MAST4: variants seen among roughly 807,000 people sequenced by gnomAD.
MAST4 encodes microtubule-associated serine/threonine-protein kinase 4.
A neutral mutation model predicts 162.7 loss-of-function variants in MAST4; 89 were observed. The ratio of observed to expected loss-of-function variants is 0.55; its 90% confidence interval spans 0.46 to 0.65. The LOEUF is 0.65. Among genes scored for constraint, MAST4 ranks in the 30% least tolerant of loss-of-function variants. The pLI is 0.00. For synonymous variants in MAST4, 1,479 were observed against 1,361.1 expected (o/e 1.09, Z -1.91); for missense variants, 3,153 against 3,374.0 (o/e 0.93, Z 1.62).
chr5:67,078,886 T>TTTATATAAA (rs1561621642), intron 5 of MAST4, among the ~76,000 whole-genome samples: 10 of 76,426 alleles, frequency 1.3e-4, no homozygotes, highest in African/African-American at 5.2e-4. Context: ...ATAAATATAT[T>TTTATATAAA]TATATATTTA....
chr5:67,126,061 C>G (rs923059132), intron 14 of MAST4, among the ~76,000 whole-genome samples: 1 of 152,106 alleles, frequency 6.6e-6, no homozygotes, highest in Non-Finnish European at 1.5e-5. Flanking sequence ...AGTGTCTGTT[C>G]ATATCCTTCT....
At position 66,678,191 on chromosome 5, in the gene MAST4, T is replaced by A. The variant is rs141133917; in HGVS notation, c.363+81173T>A. Among the ~76,000 whole-genome samples, 740 of 151,638 alleles carry A rather than the reference T, an allele frequency of 4.9e-3. 2 individuals are homozygous for A. Among genetic ancestry groups the A allele is most frequent in the Admixed American group, 8.0e-3 (122 of 15,230 alleles). On this transcript the variant is annotated intron_variant, in intron 1 of 28. Coordinates refer to ENST00000403625, the MANE Select transcript of MAST4 (RefSeq NM_001164664.2). ...CATACTGCATGATTTCCCTTACTCG[T>A]GGAATCTAAAAAAGTTGAACTCACA...
chr5:66,772,755 C>T (rs1012085354), intron 2 of MAST4, among the ~76,000 whole-genome samples: 3 of 152,210 alleles, frequency 2.0e-5, no homozygotes, highest in East Asian at 1.9e-4. Context: ...CCCAAGTCAA[C>T]TTCTAAGTAG....
At chr5:66,691,958 A>G (rs148766621) in intron 1 of MAST4, among the ~76,000 whole-genome samples, 103 of 152,202 alleles carry the variant, frequency 6.8e-4, no homozygotes, top group Non-Finnish European at 1.2e-3. Flanking sequence ...TTTTATTTTG[A>G]TTCTCCCCAG....
chr5:66,720,452 A>T (rs1410646264), intron 1 of MAST4, among the ~76,000 whole-genome samples: 2 of 152,216 alleles, frequency 1.3e-5, no homozygotes, highest in Non-Finnish European at 2.9e-5. Flanking sequence ...TTGATAATTT[A>T]TATTTTCTTA....
chr5:67,030,924 C>T (rs1755235909), intron 4 of MAST4, among the ~76,000 whole-genome samples: 1 of 152,062 alleles, frequency 6.6e-6, no homozygotes, highest in African/African-American at 2.4e-5. Flanking sequence ...AAATTTTTTT[C>T]CTGTAGCTTT....
chr5:66,694,118 T>C (rs1162009726), intron 1 of MAST4, among the ~76,000 whole-genome samples: 1 of 152,188 alleles, frequency 6.6e-6, no homozygotes, highest in East Asian at 1.9e-4. Flanking sequence ...ATCAGAATCG[T>C]CAGGGAGCGC....
chr5:66,938,899 T>C (rs1310844233), intron 4 of MAST4, among the ~76,000 whole-genome samples: 1 of 152,092 alleles, frequency 6.6e-6, no homozygotes, highest in Non-Finnish European at 1.5e-5. Context: ...ATAGAGATAA[T>C]AGTGAAAAAT....
intron 1 of MAST4, among the ~76,000 whole-genome samples, chr5:66,672,907 G>T (rs972201278): frequency 1.3e-5 from 2 of 152,102 alleles, no homozygotes; most frequent in African/African-American, 2.4e-5. Flanking sequence ...ATATCCCCCA[G>T]CCCTTACATG....
chr5:66,698,776 A>T (rs539502674), intron 1 of MAST4, among the ~76,000 whole-genome samples: 1 of 152,128 alleles, frequency 6.6e-6, no homozygotes, highest in Admixed American at 6.5e-5. Context: ...TTAGACCCCC[A>T]AGATGTGAAT....
At chr5:66,872,568 G>A (rs1018179351) in intron 3 of MAST4, among the ~76,000 whole-genome samples, 1 of 152,154 alleles carries the variant, frequency 6.6e-6, no homozygotes, top group Admixed American at 6.5e-5. Flanking sequence ...TTCATTAAGT[G>A]TCTAGGGCAT....
intron 24 of MAST4, 55 bp downstream of exon 24, chr5:67,149,644 C>A: frequency 6.5e-7 from 1 of 1,536,790 alleles, no homozygotes; most frequent in East Asian, 2.3e-5. Context: ...GGTCCCATCC[C>A]TCCTCTCCCA....
chr5:66,789,984 T>A (rs2149677294), intron 3 of MAST4, among the ~76,000 whole-genome samples: 1 of 144,948 alleles, frequency 6.9e-6, no homozygotes, highest in African/African-American at 2.5e-5. Context: ...ACATGCTTAT[T>A]AGAATTTTTT....
intron 1 of MAST4, among the ~76,000 whole-genome samples, chr5:66,747,145 T>C (rs1057172055): frequency 6.6e-6 from 1 of 151,246 alleles, no homozygotes; most frequent in African/African-American, 2.4e-5. Context: ...TATGTGTGTG[T>C]AGAGAAAAGG....
chr5:66,693,214 C>T (rs374845969), intron 1 of MAST4, among the ~76,000 whole-genome samples: 176 of 152,102 alleles, frequency 1.2e-3, no homozygotes, highest in South Asian at 0.011. Context: ...TTCAACAAGT[C>T]ATTAAAGATC....
chr5:67,113,063 C>T (rs1766436494), intron 11 of MAST4, among the ~76,000 whole-genome samples: 1 of 152,098 alleles, frequency 6.6e-6, no homozygotes, highest in Non-Finnish European at 1.5e-5. Flanking sequence ...CCTGTAATCC[C>T]AGCACTTTGG....
At chr5:67,143,771 G>A (rs1770708517) in intron 21 of MAST4, among the ~76,000 whole-genome samples, 1 of 152,144 alleles carries the variant, frequency 6.6e-6, no homozygotes, top group South Asian at 2.1e-4. Flanking sequence ...ACTCAGACCA[G>A]GACTGTTCTC....
chr5:66,792,761 T>C (rs1286862615), intron 3 of MAST4, among the ~76,000 whole-genome samples: 1 of 152,218 alleles, frequency 6.6e-6, no homozygotes, highest in African/African-American at 2.4e-5. Context: ...GAAGAGATTA[T>C]TAGTGTCTAC....
chr5:67,101,701 T>C (rs377422868), intron 8 of MAST4, among the ~76,000 whole-genome samples: 6 of 152,312 alleles, frequency 3.9e-5, no homozygotes, highest in Admixed American at 2.0e-4. Flanking sequence ...AAACTAATAC[T>C]AAATATAGCC....
Sources: allele counts gnomAD v4.1 joint callset (sites outside exome capture counted in the v4.1 genomes callset), GRCh38; gene constraint gnomAD v4.1.1; transcripts MANE v1.5; gene names NCBI Gene and HGNC (gene_info 2026-07-23, HGNC 2026-07-21).